The following TENM2 variants were observed in gnomAD, a reference collection of about 807,000 sequenced individuals.
TENM2 encodes the protein teneurin transmembrane protein 2.
A neutral mutation model predicts 245.2 loss-of-function variants in TENM2; 52 were observed. The ratio of observed to expected loss-of-function variants is 0.21; its 90% CI spans 0.17 to 0.27. The LOEUF (loss-of-function observed/expected upper bound fraction) is 0.27, where lower values mean the gene tolerates loss of function less well. Ranked by LOEUF, TENM2 falls within the 10% of genes least tolerant of loss-of-function variation. The probability of loss-of-function intolerance (pLI) is 1.00; values close to 1 mark genes in which losing one functional copy is unlikely to be tolerated. For missense variants in TENM2, 3,046 were observed against 3,666.8 expected (o/e 0.83, Z 4.37); for synonymous variants, 1,363 against 1,438.9 (o/e 0.95, Z 1.19).
intron 2 of TENM2, among the ~76,000 whole-genome samples, chr5:167,827,659 A>G (rs1234165333): frequency 6.9e-6 from 1 of 144,942 alleles, no homozygotes; most frequent in Non-Finnish European, 1.5e-5. Context: ...ATGAGCGTGA[A>G]TGAAATAGAG....
chr5:167,206,646 C>T, the TENM2 span, among the ~76,000 whole-genome samples: 1 of 152,120 alleles, frequency 6.6e-6, no homozygotes, highest in Non-Finnish European at 1.5e-5. Flanking sequence ...TAGATGCTTC[C>T]TAATATTTTC....
intron 5 of TENM2, among the ~76,000 whole-genome samples, chr5:168,029,543 C>T (rs778799539): frequency 3.3e-5 from 5 of 152,256 alleles, no homozygotes; most frequent in Admixed American, 6.5e-5. Flanking sequence ...TTGGTGGATC[C>T]GCTGGCTTTG....
intron 2 of TENM2, among the ~76,000 whole-genome samples, chr5:167,449,392 T>A (rs1479677333): frequency 6.6e-6 from 1 of 152,072 alleles, no homozygotes; most frequent in Non-Finnish European, 1.5e-5. Flanking sequence ...GGCTCCCATG[T>A]GCGGTGGCTC....
chr5:167,777,943 G>A (rs73801395), intron 2 of TENM2, among the ~76,000 whole-genome samples: 8,860 of 152,254 alleles, frequency 0.058, 309 homozygotes, highest in Middle Eastern at 0.088. Context: ...CCAGTTGCCT[G>A]TTTTTGTAAA....
the TENM2 span, among the ~76,000 whole-genome samples, chr5:167,005,944 G>A: frequency 1.3e-5 from 2 of 152,074 alleles, no homozygotes; most frequent in Admixed American, 1.3e-4. Flanking sequence ...ACAGGTGTGA[G>A]CCACCGTGCC....
intron 19 of TENM2, among the ~76,000 whole-genome samples, chr5:168,205,464 G>A (rs928485009): frequency 6.6e-6 from 1 of 152,160 alleles, no homozygotes; most frequent in Non-Finnish European, 1.5e-5. Context: ...ATATAACAGA[G>A]TAAGAAACAG....
chr5:167,719,630 A>G (rs1185862312), intron 2 of TENM2, among the ~76,000 whole-genome samples: 1 of 152,254 alleles, frequency 6.6e-6, no homozygotes, highest in Non-Finnish European at 1.5e-5. Flanking sequence ...TAAAATCTAA[A>G]TAACCAGAAT....
At position 167,811,553 on chromosome 5, in the gene TENM2, AT is replaced by A. The variant is rs142263859; in HGVS notation, c.503-64431del. ...CCACTTAAACCTCTTTTTTTAATAA[AT>A]TACCCAGTCTCAGGAATTTCTTTAT... On this transcript the variant is annotated intron_variant, in intron 2 of 28. Coordinates refer to ENST00000518659, the Ensembl canonical transcript of TENM2. Among the ~76,000 whole-genome samples the A allele has an allele frequency of 1.5e-3, 233 of 152,242 alleles. 5 individuals carry two copies. In the East Asian group the frequency reaches 0.031, roughly 20 times the overall value.
intron 1 of TENM2, among the ~76,000 whole-genome samples, chr5:167,338,972 C>A (rs1757938732): frequency 6.6e-6 from 1 of 152,206 alleles, no homozygotes; most frequent in Non-Finnish European, 1.5e-5. Flanking sequence ...TTCCAATAGT[C>A]ATTTGGGAAG....
intron 2 of TENM2, among the ~76,000 whole-genome samples, chr5:167,664,525 T>C (rs1244198545): frequency 6.6e-6 from 1 of 152,184 alleles, no homozygotes; most frequent in Non-Finnish European, 1.5e-5. Context: ...CATCGTCCAG[T>C]TGTTTTCTCC....
intron 15 of TENM2, among the ~76,000 whole-genome samples, 199 bp downstream of exon 17, chr5:168,195,494 C>T (rs1258884741): frequency 6.7e-6 from 1 of 150,068 alleles, no homozygotes; most frequent in Non-Finnish European, 1.5e-5. Context: ...AATAGGAAAG[C>T]CAGCTTACCT....
intron 2 of TENM2, among the ~76,000 whole-genome samples, chr5:167,517,709 C>T (rs938797989): frequency 2.0e-5 from 3 of 152,126 alleles, no homozygotes; most frequent in African/African-American, 7.2e-5. Flanking sequence ...AAACAGTAAA[C>T]AAACCTATAG....
chr5:167,396,157 C>T (rs1673019861), intron 2 of TENM2, among the ~76,000 whole-genome samples: 2 of 151,952 alleles, frequency 1.3e-5, no homozygotes, highest in East Asian at 1.9e-4. Flanking sequence ...ATAGATGCAC[C>T]CCCAAAGTCA....
chr5:168,126,469 C>G (rs1795857166), intron 11 of TENM2, among the ~76,000 whole-genome samples: 1 of 152,204 alleles, frequency 6.6e-6, no homozygotes, highest in Non-Finnish European at 1.5e-5. Context: ...CCCAGATCTT[C>G]TAATTCACTT....
chr5:167,244,785 G>A, the TENM2 span, among the ~76,000 whole-genome samples: 1 of 152,246 alleles, frequency 6.6e-6, no homozygotes, highest in East Asian at 1.9e-4. Flanking sequence ...TTTCTAGGGG[G>A]AGTGTGGCAC....
chr5:167,847,929 G>A (rs914885872), intron 2 of TENM2, among the ~76,000 whole-genome samples: 3 of 152,076 alleles, frequency 2.0e-5, no homozygotes, highest in Non-Finnish European at 4.4e-5. Flanking sequence ...TAACCTAAGT[G>A]CAACACTTTA....
At chr5:167,052,059 C>A in the TENM2 span, among the ~76,000 whole-genome samples, 3 of 152,020 alleles carry the variant, frequency 2.0e-5, no homozygotes, top group African/African-American at 7.2e-5. Flanking sequence ...ACAGGTAAAG[C>A]CATTCATGTC....
intron 1 of TENM2, among the ~76,000 whole-genome samples, chr5:167,371,010 T>C (rs531741079): frequency 1.3e-5 from 2 of 152,342 alleles, no homozygotes; most frequent in South Asian, 4.1e-4. Flanking sequence ...GTATTAAAAA[T>C]GCTTCCATAC....
intron 3 of TENM2, among the ~76,000 whole-genome samples, chr5:167,902,934 C>T (rs1775821843): frequency 6.6e-6 from 1 of 152,156 alleles, no homozygotes; most frequent in Non-Finnish European, 1.5e-5. Context: ...AAAGGCAGTT[C>T]AAATGGTAGT....
Sources: allele counts gnomAD v4.1 joint callset (sites outside exome capture counted in the v4.1 genomes callset), GRCh38; gene constraint gnomAD v4.1.1; transcripts MANE v1.5; gene names NCBI Gene and HGNC (gene_info 2026-07-23, HGNC 2026-07-21).